Variants in NELL1 observed in about 807,000 individuals in gnomAD.
NELL1 encodes protein kinase C-binding protein NELL1.
A neutral mutation model predicts 107.4 loss-of-function variants in NELL1; 76 were observed. That is an observed-to-expected ratio of 0.71 (90% CI 0.59 to 0.86). The LOEUF (loss-of-function observed/expected upper bound fraction) is 0.86, where lower values mean the gene tolerates loss of function less well. Ranked by LOEUF, NELL1 falls within the 40% of genes least tolerant of loss-of-function variation. The pLI, the probability that NELL1 is intolerant of heterozygous loss-of-function variation, is 0.00. For synonymous variants in NELL1, 353 were observed against 341.2 expected, an observed-to-expected ratio of 1.03 and a Z score of -0.38; for missense variants, 1,024 against 1,005.5, an observed-to-expected ratio of 1.02 and a Z score of -0.25.
intron 12 of NELL1, among the ~76,000 whole-genome samples, chr11:21,066,531 C>T (rs1308784539): frequency 6.6e-6 from 1 of 152,186 alleles, no homozygotes; most frequent in African/African-American, 2.4e-5. Context: ...TAATTTATTT[C>T]TCTCTGTGTT....
intron 15 of NELL1, among the ~76,000 whole-genome samples, chr11:21,509,591 T>C (rs1249763509): frequency 1.3e-5 from 2 of 152,214 alleles, no homozygotes; most frequent in African/African-American, 4.8e-5. Flanking sequence ...TGTGTGCAGC[T>C]TGATGCTATT....
chr11:20,756,250 C>A (rs1290505214), intron 2 of NELL1, among the ~76,000 whole-genome samples: 1 of 152,044 alleles, frequency 6.6e-6, no homozygotes. Flanking sequence ...TCTTAGGCCA[C>A]CTGAATAGGG....
At chr11:21,498,059 G>T (rs1351677422) in intron 15 of NELL1, among the ~76,000 whole-genome samples, 1 of 151,676 alleles carries the variant, frequency 6.6e-6, no homozygotes, top group African/African-American at 2.4e-5. Flanking sequence ...ATACAGCCAG[G>T]CAGAAAAGTA....
chr11:21,392,928 A>C (rs184757658), intron 15 of NELL1, among the ~76,000 whole-genome samples: 2 of 151,814 alleles, frequency 1.3e-5, no homozygotes, highest in African/African-American at 4.8e-5. Context: ...ATTCTTTTAA[A>C]TTTGCAGGAT....
At chr11:21,376,029 T>C (rs1452622596) in intron 15 of NELL1, among the ~76,000 whole-genome samples, 1 of 152,170 alleles carries the variant, frequency 6.6e-6, no homozygotes, top group Non-Finnish European at 1.5e-5. Context: ...TTTATTTTGC[T>C]GTGAAGAAGC....
intron 4 of NELL1, among the ~76,000 whole-genome samples, chr11:20,867,120 G>A (rs1164365459): frequency 6.6e-6 from 1 of 152,152 alleles, no homozygotes; most frequent in East Asian, 1.9e-4. Flanking sequence ...CCCAAAAGAA[G>A]CAAAGGCACA....
intron 12 of NELL1, among the ~76,000 whole-genome samples, chr11:20,999,844 C>T (rs887924401): frequency 3.2e-4 from 48 of 152,162 alleles, no homozygotes; most frequent in African/African-American, 1.1e-3. Context: ...ATTAAGGTAG[C>T]TTCTGTTGTT....
chr11:20,815,541 A>G (rs187259249), intron 3 of NELL1, among the ~76,000 whole-genome samples: 1 of 152,150 alleles, frequency 6.6e-6, no homozygotes, highest in African/African-American at 2.4e-5. Context: ...TCCCTTGTAG[A>G]TTGTAGTTAT....
intron 2 of NELL1, among the ~76,000 whole-genome samples, chr11:20,717,988 C>A (rs926917222): frequency 6.6e-6 from 1 of 152,154 alleles, no homozygotes; most frequent in African/African-American, 2.4e-5. Flanking sequence ...TCACTTGTTC[C>A]TGCTAATCTC....
At position 21,185,453 on chromosome 11, in the gene NELL1, C is replaced by T. The variant is rs192475768; in HGVS notation, c.1427-43879C>T. On this transcript the variant is annotated intron_variant, in intron 13 of 19. Transcript: ENST00000357134. ...GGGATTACAGGTGCCCGCCACCACA[C>T]CCGGCTAATTTTTGTATATTTAGTA... Among the ~76,000 whole-genome samples the T allele has an allele frequency of 4.7e-4, 72 of 151,666 alleles. 1 individual carries two copies. The East Asian group carries it at 0.014, about 29-fold the overall frequency.
intron 12 of NELL1, among the ~76,000 whole-genome samples, chr11:20,992,769 C>T (rs1852004786): frequency 7.4e-6 from 1 of 134,490 alleles, no homozygotes. Flanking sequence ...GGCTGGAGTG[C>T]AATGGTGCGA....
chr11:20,695,949 A>G (rs1565311768), intron 2 of NELL1, among the ~76,000 whole-genome samples: 1 of 152,034 alleles, frequency 6.6e-6, no homozygotes, highest in Non-Finnish European at 1.5e-5. Flanking sequence ...TACTTATTCA[A>G]TCTCAGAAGT....
intron 15 of NELL1, among the ~76,000 whole-genome samples, chr11:21,397,168 G>A (rs1180977177): frequency 4.0e-5 from 6 of 151,430 alleles, no homozygotes; most frequent in South Asian, 2.1e-4. Context: ...TAAGACACAC[G>A]AGGAATCATA....
Position 20,775,916 on chromosome 11 carries a change from T to G in NELL1, c.185-7764T>G, listed in dbSNP as rs931196322. On this transcript the variant is annotated intron_variant, in intron 2 of 19. Coordinates refer to ENST00000357134, the MANE Select transcript of NELL1 (RefSeq NM_006157.5). ...GACATTGAACTGGCTTTATTATTCC[T>G]TAGGCAGCTCATTACTTGAATGTAC... Among the ~76,000 whole-genome samples, 19 of 152,250 alleles carry G rather than the reference T, an allele frequency of 1.2e-4. 1 individual carries two copies. The highest frequency in any genetic ancestry group is 4.1e-4 in the African/African-American group (17 of 41,460).
chr11:20,672,120 A>G (rs1853928696), intron 1 of NELL1, among the ~76,000 whole-genome samples: 1 of 152,252 alleles, frequency 6.6e-6, no homozygotes, highest in Non-Finnish European at 1.5e-5. Context: ...TTACCTCTCA[A>G]TTTGTACACT....
intron 13 of NELL1, among the ~76,000 whole-genome samples, chr11:21,116,507 C>A (rs943030136): frequency 6.6e-6 from 1 of 151,962 alleles, no homozygotes; most frequent in South Asian, 2.1e-4. Flanking sequence ...CACATAGATG[C>A]TTAGTAGGAA....
chr11:20,706,351 A>G (rs190330954), intron 2 of NELL1, among the ~76,000 whole-genome samples: 2,013 of 152,262 alleles, frequency 0.013, 38 homozygotes, highest in African/African-American at 0.046. Flanking sequence ...AAAAATGATG[A>G]GTTCATGTCC....
intron 14 of NELL1, among the ~76,000 whole-genome samples, chr11:21,277,448 G>T (rs9733979): frequency 0.9 from 132,742 of 147,484 alleles, 59,867 homozygotes; most frequent in Non-Finnish European, 0.93. Context: ...TACCCTGTTG[G>T]TGGGACTGTA....
chr11:21,442,110 G>A (rs1853300835), intron 15 of NELL1, among the ~76,000 whole-genome samples: 1 of 152,084 alleles, frequency 6.6e-6, no homozygotes, highest in African/African-American at 2.4e-5. Flanking sequence ...AAATATAGTA[G>A]ACTGATGTTT....
Sources: allele counts gnomAD v4.1 joint callset (sites outside exome capture counted in the v4.1 genomes callset), GRCh38; gene constraint gnomAD v4.1.1; transcripts MANE v1.5; gene names NCBI Gene and HGNC (gene_info 2026-07-23, HGNC 2026-07-21).